Variants in WNK1 observed in about 807,000 individuals in gnomAD.
WNK1 encodes WNK lysine deficient protein kinase 1, also known as serine/threonine-protein kinase WNK1.
A neutral mutation model predicts 222.8 loss-of-function variants in WNK1; 38 were observed. That is an observed-to-expected ratio of 0.17 (90% CI 0.13 to 0.22). The LOEUF (loss-of-function observed/expected upper bound fraction) is 0.22, where lower values mean the gene tolerates loss of function less well. Ranked by LOEUF, WNK1 falls within the 10% of genes least tolerant of loss-of-function variation. The pLI, the probability that WNK1 is intolerant of heterozygous loss-of-function variation, is 1.00. For missense variants in WNK1, 2,348 were observed against 2,918.4 expected, an observed-to-expected ratio of 0.80 and a Z score of 4.50; for synonymous variants, 1,090 against 1,092.9, an observed-to-expected ratio of 1.00 and a Z score of 0.05.
intron 16 of WNK1, 73 bp from the exon 17 acceptor site, chr12:883,701 A>T (rs1212345756): frequency 1.3e-6 from 2 of 1,599,172 alleles, no homozygotes; most frequent in Non-Finnish European, 8.6e-7. Context: ...TTCTCTTCAC[A>T]TGTGGCAGTT....
At chr12:881,145 C>G in intron 12 of WNK1, 146 bp downstream of exon 12, 1 of 1,091,284 alleles carries the variant, frequency 9.2e-7, no homozygotes, top group Non-Finnish European at 1.3e-6. Flanking sequence ...TTTCTTACAG[C>G]AGAATGAAAT....
intron 1 of WNK1, among the ~76,000 whole-genome samples, chr12:757,760 G>A (rs578017018): frequency 6.8e-6 from 1 of 147,094 alleles, no homozygotes; most frequent in African/African-American, 2.4e-5. Flanking sequence ...TGATGGAGCC[G>A]GGTGCGGTGG....
intron 1 of WNK1, among the ~76,000 whole-genome samples, chr12:809,225 GAAAAAA>G (rs67749492): frequency 8.3e-6 from 1 of 120,936 alleles, no homozygotes; most frequent in African/African-American, 3.2e-5. Flanking sequence ...TTCTTTTGAG[GAAAAAA>G]AAAAAAAAAA....
intron 4 of WNK1, among the ~76,000 whole-genome samples, chr12:837,530 C>T (rs74378304): frequency 0.059 from 8,780 of 148,282 alleles, 316 homozygotes; most frequent in Middle Eastern, 0.11. Context: ...GCCGAGATCA[C>T]GCCATTGCAC....
At chr12:767,459 G>T (rs1196031370) in intron 1 of WNK1, among the ~76,000 whole-genome samples, 1 of 151,406 alleles carries the variant, frequency 6.6e-6, no homozygotes, top group Non-Finnish European at 1.5e-5. Context: ...CACCATATTG[G>T]TCGGGCTGGT....
At position 894,911 on chromosome 12, in the gene WNK1, GT is replaced by G. The variant is rs1954605007; in HGVS notation, c.5583+280del. The stretch of plus-strand genomic sequence containing the variant: ...TGGGGTGTATTTCCTTCCACTCCTT[GT>G]TTTCTGTACAAGTGTTTATCTAAAA... On this transcript the variant is annotated intron_variant, in intron 23 of 27. Transcript: ENST00000315939. Among the ~76,000 whole-genome samples, 10 of 152,204 alleles carry G rather than the reference GT, an allele frequency of 6.6e-5. 1 individual carries two copies. The South Asian group carries it at 2.1e-3, about 32-fold the overall frequency.
chr12:869,121 C>G, intron 8 of WNK1: 3 of 1,613,888 alleles, frequency 1.9e-6, no homozygotes, highest in Non-Finnish European at 2.5e-6. Context: ...GGAAAACTTC[C>G]ACAATTATTT....
intron 1 of WNK1, among the ~76,000 whole-genome samples, chr12:792,336 G>T (rs1441788686): frequency 7.3e-6 from 1 of 137,542 alleles, no homozygotes; most frequent in Admixed American, 7.5e-5. Context: ...TTTTTGAGGC[G>T]GAGTCTCACT....
chr12:770,014 C>T (rs560015929), intron 1 of WNK1, among the ~76,000 whole-genome samples: 2 of 150,806 alleles, frequency 1.3e-5, no homozygotes, highest in East Asian at 3.9e-4. Context: ...ACTCTTGTTG[C>T]CCAGGCTGGA....
At chr12:757,609 G>A (rs979162295) in intron 1 of WNK1, among the ~76,000 whole-genome samples, 5 of 152,136 alleles carry the variant, frequency 3.3e-5, no homozygotes, top group Admixed American at 6.5e-5. Context: ...TATTAGACAA[G>A]TAGTGCACCT....
chr12:876,909 C>T (rs1952669719), intron 9 of WNK1, among the ~76,000 whole-genome samples: 1 of 151,930 alleles, frequency 6.6e-6, no homozygotes, highest in Non-Finnish European at 1.5e-5. Context: ...ATAGTGGTTA[C>T]CTCTGGAGAA....
rs1203524386 is a variant in WNK1 at position 862,229 on chromosome 12, G to A, written c.2098G>A (p.Ala700Thr). 1 of 1,614,088 alleles carries A rather than the reference G, an allele frequency of 6.2e-7. No homozygotes were observed. Among genetic ancestry groups the A allele is most frequent in the East Asian group, 2.2e-5 (1 of 44,870 alleles). ...VPGHIPSTVQ[A>T]QSQPHGVYPP... Reference sequence around the variant, plus strand: ...AGGGCATATACCTTCTACTGTCCAAGCACAGTCTCAGCCCCATGGGGTATA... The same window carrying A: ...AGGGCATATACCTTCTACTGTCCAAACACAGTCTCAGCCCCATGGGGTATA... Residue 700 changes from alanine (A) to threonine (T), a missense_variant, in exon 8 of 28, where the codon GCA (alanine) becomes ACA (threonine). By Grantham distance (58) the Ala-to-Thr change is moderately conservative (BLOSUM62 0). Around this residue, in one of 13 missense-constraint regions of WNK1, gnomAD observed 547 missense variants for 558.3 expected, o/e 0.98. Coordinates refer to ENST00000315939, the MANE Select transcript of WNK1 (RefSeq NM_018979.4).
intron 1 of WNK1, among the ~76,000 whole-genome samples, chr12:802,249 G>T (rs868187635): frequency 6.6e-6 from 1 of 152,144 alleles, no homozygotes; most frequent in Non-Finnish European, 1.5e-5. Context: ...GCTAAAATAG[G>T]TAGTAAGTAC....
chr12:794,008 A>G (rs1308211558), intron 1 of WNK1, among the ~76,000 whole-genome samples: 1 of 152,174 alleles, frequency 6.6e-6, no homozygotes, highest in Non-Finnish European at 1.5e-5. Flanking sequence ...AAGTGGAACC[A>G]TATAATATGT....
chr12:779,884 T>G (rs533341535), intron 1 of WNK1, among the ~76,000 whole-genome samples: 1 of 152,300 alleles, frequency 6.6e-6, no homozygotes, highest in South Asian at 2.1e-4. Context: ...TTCTCTTGCC[T>G]GCATTTTTTG....
In WNK1 at chr12:763,373, C is replaced by T. The variant is rs538677982; in HGVS notation, c.759+9049C>T. On this transcript the variant is annotated intron_variant, in intron 1 of 27. Coordinates refer to ENST00000315939, the MANE Select transcript of WNK1 (RefSeq NM_018979.4). ...CCGAGGTTAGTGGATAACCTGAGGTCAGAAGTTGGAGACCAGCCTAGTCAA... is the reference window on the plus strand; with the variant it reads ...CCGAGGTTAGTGGATAACCTGAGGTTAGAAGTTGGAGACCAGCCTAGTCAA... 8.9e-5 allele frequency among the ~76,000 whole-genome samples: 13 copies of T among 146,452 alleles called. 1 individual carries two copies. The South Asian group carries it at 2.9e-3, about 33-fold the overall frequency.
chr12:760,593 T>C (rs556319955), intron 1 of WNK1, among the ~76,000 whole-genome samples: 4 of 148,028 alleles, frequency 2.7e-5, no homozygotes, highest in East Asian at 1.9e-4. Context: ...ACAAATGGAA[T>C]ATATTAAACT....
Position 885,011 on chromosome 12 carries a change from G to A in WNK1, c.4207G>A (p.Val1403Met). Residue 1403 changes from valine (V) to methionine (M), a missense_variant, in exon 19 of 28, where the codon GTG (valine) becomes ATG (methionine). Val to Met is a conservative substitution (Grantham distance 21). Around this residue, in one of 13 missense-constraint regions of WNK1, gnomAD observed 1,144 missense variants for 1,273.6 expected, o/e 0.90. Coordinates refer to ENST00000315939, the MANE Select transcript of WNK1 (RefSeq NM_018979.4). ...VTSGGLPIPP[V>M]SESPVLSSVV... ...TTCAGGTGGTCTCCCCATACCACCTGTGTCTGAATCACCAGTACTTTCCAG... is the reference window on the plus strand; with the variant it reads ...TTCAGGTGGTCTCCCCATACCACCTATGTCTGAATCACCAGTACTTTCCAG... 1 of 1,614,220 alleles carries A rather than the reference G, an allele frequency of 6.2e-7. No individual in the cohort carries two copies.
chr12:785,725 T>C (rs759577404), intron 1 of WNK1, among the ~76,000 whole-genome samples: 3 of 152,136 alleles, frequency 2.0e-5, no homozygotes, highest in Non-Finnish European at 2.9e-5. Context: ...TTTTTGGTTG[T>C]TGTTATTTGT....
Sources: gnomAD v4.1 joint callset for allele counts (sites outside exome capture counted in the v4.1 genomes callset) on GRCh38, gnomAD v4.1.1 for gene constraint, gnomAD v4.1.1 regional missense constraint, MANE v1.5 for transcripts, NCBI Gene and HGNC (gene_info 2026-07-23, HGNC 2026-07-21) for gene names.